The following ATP8A1 variants were observed in gnomAD, a reference collection of about 807,000 sequenced individuals.
The protein encoded by ATP8A1 is phospholipid-transporting ATPase IA.
ATP8A1 carries 90 observed loss-of-function variants against 177.7 expected under a neutral mutation model. The observed-to-expected ratio is 0.51, with a 90% CI of 0.43 to 0.60. The LOEUF is 0.60. Ranked by LOEUF, ATP8A1 falls within the 20% of genes least tolerant of loss-of-function variation. The pLI is 0.00. For missense variants in ATP8A1, 1,072 were observed against 1,392.8 expected, an observed-to-expected ratio of 0.77 and a Z score of 3.67; for synonymous variants, 493 against 485.9, an observed-to-expected ratio of 1.01 and a Z score of -0.19.
chr4:42,593,070 T>C (rs1734351323), intron 6 of ATP8A1, among the ~76,000 whole-genome samples: 1 of 152,074 alleles, frequency 6.6e-6, no homozygotes, highest in Admixed American at 6.6e-5. Flanking sequence ...ATTTAATCCA[T>C]CTTAATATAA....
intron 22 of ATP8A1, among the ~76,000 whole-genome samples, chr4:42,518,130 T>G (rs772806819): frequency 3.9e-5 from 6 of 152,236 alleles, no homozygotes; most frequent in Admixed American, 2.6e-4. Context: ...AAAACTGAAT[T>G]ACCAGTTTGA....
chr4:42,628,823 C>CA (rs1738401236), intron 1 of ATP8A1, among the ~76,000 whole-genome samples: 2 of 152,026 alleles, frequency 1.3e-5, no homozygotes, highest in Admixed American at 6.5e-5. Flanking sequence ...GAGAGAGCCT[C>CA]AAAAAAACCA....
chr4:42,570,728 C>G (rs187249783), intron 14 of ATP8A1, among the ~76,000 whole-genome samples: 2 of 152,168 alleles, frequency 1.3e-5, no homozygotes, highest in Non-Finnish European at 2.9e-5. Context: ...CTGGTGTCTA[C>G]GTGGTATCTG....
rs73165786 is a variant in ATP8A1, at chr4:42,552,698, T to C, written c.1414-88A>G. 5.3e-3 allele frequency: 5,165 copies of C among 981,202 alleles called. 163 individuals are homozygous for C. The African/African-American group carries it at 0.075, about 14-fold the overall frequency. The allele number at this position is 981,202 out of a possible 1,614,324, so 60.8% of individuals were successfully genotyped here. On this transcript the variant is annotated intron_variant, in intron 16 of 36. Coordinates refer to ENST00000381668, the MANE Select transcript of ATP8A1 (RefSeq NM_006095.2). ...TATTACTTCATGTCTATTAAGAACA[T>C]AGTTGTTGGCCAGACATGGTAGCTC... is the stretch of plus-strand genomic sequence containing the variant.
intron 24 of ATP8A1, among the ~76,000 whole-genome samples, chr4:42,489,932 A>C (rs1015130779): frequency 6.6e-6 from 1 of 152,222 alleles, no homozygotes; most frequent in African/African-American, 2.4e-5. Flanking sequence ...CCACAGGCTC[A>C]ATGAAATAAA....
intron 14 of ATP8A1, among the ~76,000 whole-genome samples, chr4:42,571,697 T>C (rs997832522): frequency 2.6e-5 from 4 of 152,190 alleles, no homozygotes; most frequent in South Asian, 4.1e-4. Context: ...ACAAATGATA[T>C]CACAATTCAC....
In ATP8A1 at chr4:42,483,429, G is replaced by A. The variant is rs147417969; in HGVS notation, c.2324+2067C>T. 4.5e-3 allele frequency among the ~76,000 whole-genome samples: 687 copies of A among 151,228 alleles called. 6 individuals carry two copies. The highest frequency in any genetic ancestry group is 0.016 in the African/African-American group (642 of 41,236). On this transcript the variant is annotated intron_variant, in intron 25 of 36. Coordinates refer to ENST00000381668, the MANE Select transcript of ATP8A1 (RefSeq NM_006095.2). ...GGAAATAAAACTCAGTGTCTGCGTA[G>A]GGACCTCATGGTCTTGAAACATGCA...
At chr4:42,425,954 C>G (rs1714564892) in intron 33 of ATP8A1, among the ~76,000 whole-genome samples, 1 of 152,268 alleles carries the variant, frequency 6.6e-6, no homozygotes, top group African/African-American at 2.4e-5. Flanking sequence ...GGGCACAGGC[C>G]GTGTGTGGCG....
chr4:42,656,532 G>C (rs1432210432), intron 1 of ATP8A1, among the ~76,000 whole-genome samples: 1 of 152,126 alleles, frequency 6.6e-6, no homozygotes, highest in African/African-American at 2.4e-5. Flanking sequence ...TGGGGAGGGA[G>C]GTGGGCAGGG....
intron 5 of ATP8A1, among the ~76,000 whole-genome samples, chr4:42,605,566 A>C (rs944735969): frequency 6.6e-6 from 1 of 152,350 alleles, no homozygotes; most frequent in African/African-American, 2.4e-5. Flanking sequence ...AGTGGCACTT[A>C]CATGGAAAAC....
chr4:42,550,760 C>A (rs971646393), intron 18 of ATP8A1, among the ~76,000 whole-genome samples: 3 of 152,170 alleles, frequency 2.0e-5, no homozygotes, highest in Non-Finnish European at 4.4e-5. Flanking sequence ...AATTGTATCT[C>A]CCCAATGACT....
At chr4:42,547,359 T>C (rs888802177) in intron 19 of ATP8A1, among the ~76,000 whole-genome samples, 1 of 152,234 alleles carries the variant, frequency 6.6e-6, no homozygotes, top group Non-Finnish European at 1.5e-5. Context: ...ACCATCATCC[T>C]AGTCTAAACC....
At chr4:42,568,647 C>A (rs569794344) in intron 15 of ATP8A1, among the ~76,000 whole-genome samples, 60 of 152,298 alleles carry the variant, frequency 3.9e-4, no homozygotes, top group African/African-American at 1.4e-3. Context: ...TGCTTGGTAG[C>A]ATAGTTTTCT....
chr4:42,425,411 A>G (rs1714480306), intron 33 of ATP8A1, among the ~76,000 whole-genome samples: 1 of 152,200 alleles, frequency 6.6e-6, no homozygotes, highest in Admixed American at 6.5e-5. Context: ...TTACAAATGA[A>G]CAACATGAAT....
intron 15 of ATP8A1, among the ~76,000 whole-genome samples, chr4:42,567,398 G>A (rs1286643794): frequency 1.3e-5 from 2 of 152,098 alleles, no homozygotes; most frequent in Non-Finnish European, 2.9e-5. Context: ...CATTAGCCAG[G>A]TGTGGTGGTG....
chr4:42,656,986 C>G lies in ATP8A1; in HGVS notation c.-113G>C, dbSNP rs972822288. On this transcript the variant is annotated 5_prime_UTR_variant, in exon 1 of 37. Coordinates refer to ENST00000381668, the MANE Select transcript of ATP8A1 (RefSeq NM_006095.2). The stretch of plus-strand genomic sequence containing the variant: ...GAGCGCTCAGCTGCAGCCTGGGCCG[C>G]GCCGCCGCCCACCTAGGGCAGAGCT... 4 of 1,145,376 alleles carry G rather than the reference C, an allele frequency of 3.5e-6. No individual in the cohort carries two copies. Among genetic ancestry groups the G allele is most frequent in the Non-Finnish European group, 4.5e-6 (4 of 895,492 alleles). The allele number at this position is 1,145,376 out of a possible 1,614,324, so 71.0% of individuals were successfully genotyped here. A position where few individuals can be genotyped will look rare whatever the true frequency, so the allele number is the denominator to read the frequency against.
At chr4:42,507,213 A>G (rs1440705571) in intron 22 of ATP8A1, 59 bp from the exon 23 acceptor site, 1 of 1,546,016 alleles carries the variant, frequency 6.5e-7, no homozygotes, top group Non-Finnish European at 8.9e-7. Flanking sequence ...TTAAAAACAA[A>G]AAATTGAAGT....
At chr4:42,476,552 G>C (rs1721084587) in intron 25 of ATP8A1, among the ~76,000 whole-genome samples, 1 of 151,952 alleles carries the variant, frequency 6.6e-6, no homozygotes, top group Non-Finnish European at 1.5e-5. Flanking sequence ...CTGGGAGGCA[G>C]AGGTTGCAGT....
chr4:42,476,540 A>G (rs1721083792), intron 25 of ATP8A1, among the ~76,000 whole-genome samples: 1 of 151,584 alleles, frequency 6.6e-6, no homozygotes, highest in African/African-American at 2.4e-5. Flanking sequence ...AATTGCTTGA[A>G]CCTGGGAGGC....
Sources: gnomAD v4.1 joint callset for allele counts (sites outside exome capture counted in the v4.1 genomes callset) on GRCh38, gnomAD v4.1.1 for gene constraint, MANE v1.5 for transcripts, NCBI Gene and HGNC (gene_info 2026-07-23, HGNC 2026-07-21) for gene names.